Variants in STAT1 observed in about 807,000 individuals in gnomAD.
STAT1 encodes signal transducer and activator of transcription 1.
Under a neutral mutation model 111.7 loss-of-function variants are expected in STAT1, and 24 were observed. That is an observed-to-expected ratio of 0.21 (90% confidence interval 0.16 to 0.30). STAT1 has a LOEUF of 0.30. Ranked by LOEUF, STAT1 falls within the 10% of genes least tolerant of loss-of-function variation. The pLI is 1.00. For synonymous variants in STAT1, 332 were observed against 326.5 expected (o/e 1.02, Z -0.18); for missense variants, 351 against 911.9 (o/e 0.38, Z 7.92).
At position 190,999,075 on chromosome 2, in the gene STAT1, A is replaced by C. The variant is rs1388415144; in HGVS notation, c.541+551T>G. 1.3e-5 allele frequency among the ~76,000 whole-genome samples: 2 copies of C among 152,096 alleles called. No individual in the cohort carries two copies. The highest frequency in any genetic ancestry group is 2.9e-5 in the Non-Finnish European group (2 of 68,030). ...CATTCTTGAGATCTTTTCTGTTGCTACTCTCATTAAAAACACGCAACAGTA... is the reference window on the plus strand; with the variant it reads ...CATTCTTGAGATCTTTTCTGTTGCTCCTCTCATTAAAAACACGCAACAGTA... On this transcript the variant is annotated intron_variant, in intron 7 of 24. Transcript: ENST00000361099. This position sits in a 1 kb window ranked among gnomAD's most constrained non-coding sequence, Gnocchi z 4.1.
rs1207548527 is a variant in STAT1 at position 190,983,424 on chromosome 2, G to T, written c.1446+218C>A. ...ATAAAGTGGTATGGAATCACTGACT[G>T]CCCTAGCTTACCCACATGGGAGAAA... On this transcript the variant is annotated intron_variant, in intron 17 of 24. Transcript: ENST00000361099. The surrounding 1 kb of genome is among the most constrained non-coding windows in gnomAD (Gnocchi z 5.7). Among the ~76,000 whole-genome samples the T allele has an allele frequency of 6.6e-6, 1 of 152,168 alleles. No individual in the cohort carries two copies. The highest frequency in any genetic ancestry group is 2.4e-5 in the African/African-American group (1 of 41,420).
At chr2:190,972,495 C>T (rs1471156797) in intron 24 of STAT1, among the ~76,000 whole-genome samples, 1 of 152,150 alleles carries the variant, frequency 6.6e-6, no homozygotes, top group African/African-American at 2.4e-5. Flanking sequence ...GGCGTTGGCC[C>T]CTGGTACCAC....
chr2:190,986,656 A>G lies in STAT1; in HGVS notation c.1221+198T>C, dbSNP rs951507071. Among the ~76,000 whole-genome samples, 2 of 152,226 alleles carry G rather than the reference A, an allele frequency of 1.3e-5. No homozygotes were observed. Among genetic ancestry groups the G allele is most frequent in the Non-Finnish European group, 2.9e-5 (2 of 68,036 alleles). The stretch of plus-strand genomic sequence containing the variant: ...TTACTGCAAGTGATACAGCCCAGAA[A>G]ACAGAGTGAACAGTCGTGGGATAAG... On this transcript the variant is annotated intron_variant, in intron 14 of 24. Coordinates refer to ENST00000361099, the MANE Select transcript of STAT1 (RefSeq NM_007315.4). This position sits in a 1 kb window ranked among gnomAD's most constrained non-coding sequence, Gnocchi z 5.0.
At position 191,006,523 on chromosome 2, in the gene STAT1, C is replaced by A. The variant is rs1694715105; in HGVS notation, c.372+1040G>T. On this transcript the variant is annotated intron_variant, in intron 5 of 24. Transcript: ENST00000361099. This position sits in a 1 kb window ranked among gnomAD's most constrained non-coding sequence, Gnocchi z 4.6. ...TGGAGAATGGCATCCTCCACCACAC[C>A]TAAACTCCCTCCCTCTCCACTGTCA... Among the ~76,000 whole-genome samples the A allele has an allele frequency of 6.6e-6, 1 of 152,148 alleles. No homozygotes were observed. The highest frequency in any genetic ancestry group is 1.5e-5 in the Non-Finnish European group (1 of 68,022).
At chr2:190,991,377 T>C in intron 10 of STAT1, 57 bp from the exon 11 acceptor site, 1 of 1,539,556 alleles carries the variant, frequency 6.5e-7, no homozygotes, top group East Asian at 2.3e-5. Flanking sequence ...GTTGAGGCAA[T>C]CACAATGATT....
chr2:190,993,180 T>G lies in STAT1; in HGVS notation c.945-1860A>C. ...GTTGTGTAGTCTACTACTTTCTCTG[T>G]GGTCAGATCACACTTGTTCCCTACC... On this transcript the variant is annotated intron_variant, in intron 10 of 24. Coordinates refer to ENST00000361099, the MANE Select transcript of STAT1 (RefSeq NM_007315.4). This position sits in a 1 kb window ranked among gnomAD's most constrained non-coding sequence, Gnocchi z 4.1. 2.0e-6 allele frequency: 1 copy of G among 510,370 alleles called. No homozygotes were observed. The highest frequency in any genetic ancestry group is 3.7e-6 in the Non-Finnish European group (1 of 272,416). The allele number at this position is 510,370 out of a possible 1,614,324, so 31.6% of individuals were successfully genotyped here.
chr2:190,998,068 TA>T lies in STAT1; in HGVS notation c.634-62del, dbSNP rs1693984758. ...CATTTTTAATCACTGAATTTTAAAA[TA>T]TTTTTTAAAAGAAAAGCAAATATCA... is the stretch of plus-strand genomic sequence containing the variant. On this transcript the variant is annotated intron_variant, in intron 8 of 24. Coordinates refer to ENST00000361099, the MANE Select transcript of STAT1 (RefSeq NM_007315.4). The surrounding 1 kb of genome is among the most constrained non-coding windows in gnomAD (Gnocchi z 4.1). 2 of 1,587,832 alleles carry T rather than the reference TA, an allele frequency of 1.3e-6. No individual in the cohort carries two copies. Among genetic ancestry groups the T allele is most frequent in the Non-Finnish European group, 1.7e-6 (2 of 1,162,790 alleles).
chr2:190,983,834 G>A lies in STAT1; in HGVS notation c.1348-94C>T. 1 of 1,033,886 alleles carries A rather than the reference G, an allele frequency of 9.7e-7. No individual in the cohort carries two copies. The highest frequency in any genetic ancestry group is 1.5e-6 in the Non-Finnish European group (1 of 663,298). The allele number at this position is 1,033,886 out of a possible 1,614,324, so 64.0% of individuals were successfully genotyped here. ...CTCAACTAAAAGCAGGGGATTATTT[G>A]TAAATTTGTACATATTTAATACTTG... is the stretch of plus-strand genomic sequence containing the variant. On this transcript the variant is annotated intron_variant, in intron 16 of 24. Coordinates refer to ENST00000361099, the MANE Select transcript of STAT1 (RefSeq NM_007315.4). This position sits in a 1 kb window ranked among gnomAD's most constrained non-coding sequence, Gnocchi z 5.7.
At position 191,000,096 on chromosome 2, in the gene STAT1, G is replaced by T. The variant is rs995568749; in HGVS notation, c.463-392C>A. Among the ~76,000 whole-genome samples, 1 of 152,168 alleles carries T rather than the reference G, an allele frequency of 6.6e-6. No individual in the cohort carries two copies. Among genetic ancestry groups the T allele is most frequent in the African/African-American group, 2.4e-5 (1 of 41,436 alleles). On this transcript the variant is annotated intron_variant, in intron 6 of 24. Transcript: ENST00000361099. The surrounding 1 kb of genome is among the most constrained non-coding windows in gnomAD (Gnocchi z 4.8). The stretch of plus-strand genomic sequence containing the variant: ...TCCTCATTCCTTCCAAGTAAGAAAA[G>T]TGACCATACATCCCTGCTTTACCGG...
In STAT1 at chr2:190,989,242, G is replaced by C. The variant is rs900583381; in HGVS notation, c.1097+373C>G. ...GTGGCATGCCAAGTCCAGCCACTTT[G>C]AGACTTGCTGATTACAATCTCATAT... is the stretch of plus-strand genomic sequence containing the variant. On this transcript the variant is annotated intron_variant, in intron 12 of 24. Coordinates refer to ENST00000361099, the MANE Select transcript of STAT1 (RefSeq NM_007315.4). This position sits in a 1 kb window ranked among gnomAD's most constrained non-coding sequence, Gnocchi z 5.0. Among the ~76,000 whole-genome samples, 9 of 152,242 alleles carry C rather than the reference G, an allele frequency of 5.9e-5. No homozygotes were observed. Among genetic ancestry groups the C allele is most frequent in the African/African-American group, 2.2e-4 (9 of 41,460 alleles).
chr2:190,988,413 CTG>C (rs1693039469), intron 12 of STAT1, among the ~76,000 whole-genome samples: 1 of 152,214 alleles, frequency 6.6e-6, no homozygotes, highest in African/African-American at 2.4e-5. Context: ...GAGTCTCACT[CTG>C]TCACCCAGGC....
rs541089913 is a variant in STAT1, at chr2:191,009,070, G to A, written c.166C>T (p.Arg56Cys). 1.2e-6 allele frequency: 2 copies of A among 1,613,976 alleles called. No homozygotes were observed. Among genetic ancestry groups the A allele is most frequent in the Non-Finnish European group, 1.7e-6 (2 of 1,179,972 alleles). The change falls in exon 4 of 25, where the codon CGT (arginine) becomes TGT (cysteine). Residue 56 changes from arginine (R) to cysteine (C), a missense_variant. By Grantham distance (180) the Arg-to-Cys change is radical (BLOSUM62 -3). Around this residue, in one of 7 missense-constraint regions of STAT1, gnomAD observed 44 missense variants for 144.2 expected, o/e 0.31. Transcript: ENST00000361099. ...AGCTGTGACAGGAGGTCATGAAAACGGATGGTGGCAAATGAAACATCATTG... is the reference window on the plus strand; with the variant it reads ...AGCTGTGACAGGAGGTCATGAAAACAGATGGTGGCAAATGAAACATCATTG... ...AANDVSFATIRFHDLLSQLDD... is the reference protein window; with the variant it reads ...AANDVSFATICFHDLLSQLDD...
chr2:190,987,974 C>T lies in STAT1; in HGVS notation c.1098-906G>A, dbSNP rs45470607. On this transcript the variant is annotated intron_variant, in intron 12 of 24. Transcript: ENST00000361099. This position sits in a 1 kb window ranked among gnomAD's most constrained non-coding sequence, Gnocchi z 4.0. ...AACCGACAGAAAAGACACAAGGGCC[C>T]GAAGCAGCTGAGAGGAGCTGAGCTG... is the stretch of plus-strand genomic sequence containing the variant. 5.9e-5 allele frequency among the ~76,000 whole-genome samples: 9 copies of T among 152,324 alleles called. No individual in the cohort carries two copies. Among genetic ancestry groups the T allele is most frequent in the African/African-American group, 1.7e-4 (7 of 41,566 alleles).
Position 190,993,659 on chromosome 2 carries a change from T to C in STAT1, c.944+1402A>G, listed in dbSNP as rs1474808093. The stretch of plus-strand genomic sequence containing the variant: ...ACCACGGGTAACTGAAGGAAAGGAA[T>C]GAGATAGGCTGTTCTGGGAGAGTAA... On this transcript the variant is annotated intron_variant, in intron 10 of 24. Coordinates refer to ENST00000361099, the MANE Select transcript of STAT1 (RefSeq NM_007315.4). The surrounding 1 kb of genome is among the most constrained non-coding windows in gnomAD (Gnocchi z 4.1). The C allele has an allele frequency of 9.8e-6, 5 of 510,796 alleles. No homozygotes were observed. The highest frequency in any genetic ancestry group is 1.9e-5 in the Non-Finnish European group (5 of 261,994). The allele number at this position is 510,796 out of a possible 1,614,324, so 31.6% of individuals were successfully genotyped here.
rs2125067786 is a variant in STAT1, at chr2:190,997,032, G to A, written c.785+824C>T. Among the ~76,000 whole-genome samples, 1 of 152,272 alleles carries A rather than the reference G, an allele frequency of 6.6e-6. No homozygotes were observed. Among genetic ancestry groups the A allele is most frequent in the African/African-American group, 2.4e-5 (1 of 41,554 alleles). On this transcript the variant is annotated intron_variant, in intron 9 of 24. Transcript: ENST00000361099. The surrounding 1 kb of genome is among the most constrained non-coding windows in gnomAD (Gnocchi z 7.3). ...GCGTACATCCCCCATTCCCAGCATG[G>A]TGCTGAGAACCTGCACCATCAGGCT...
At position 190,989,665 on chromosome 2, in the gene STAT1, C is replaced by T; in HGVS notation, c.1047G>A (p.Val349=). 1 of 1,597,350 alleles carries T rather than the reference C, an allele frequency of 6.3e-7. No homozygotes were observed. Among genetic ancestry groups the T allele is most frequent in the South Asian group, 1.1e-5 (1 of 88,908 alleles). Residue 349 remains valine (V), a synonymous_variant, in exon 12 of 25, where the codon GTG becomes GTA. Transcript: ENST00000361099. The surrounding 1 kb of genome is among the most constrained non-coding windows in gnomAD (Gnocchi z 5.0). Reference sequence around the variant, plus strand: ...AATTATAATTCAGCTCTTGCAATTTCACCAACAGTCTGGAAAGAAAAATAA... The same window carrying T: ...AATTATAATTCAGCTCTTGCAATTTTACCAACAGTCTGGAAAGAAAAATAA... ...VQFTVKLRLL[V]KLQELNYNLK...
At position 190,986,569 on chromosome 2, in the gene STAT1, G is replaced by A. The variant is rs184191853; in HGVS notation, c.1221+285C>T. Among the ~76,000 whole-genome samples the A allele has an allele frequency of 2.4e-3, 370 of 152,360 alleles. 10 individuals are homozygous for A. Among genetic ancestry groups the A allele is most frequent in the Admixed American group, 1.6e-3 (25 of 15,312 alleles). The stretch of plus-strand genomic sequence containing the variant: ...AAACTGCAAGCGTAGGTGAGTGACC[G>A]TGGGGATCATGCAGGCAGCAAGTGC... On this transcript the variant is annotated intron_variant, in intron 14 of 24. Coordinates refer to ENST00000361099, the MANE Select transcript of STAT1 (RefSeq NM_007315.4). This position sits in a 1 kb window ranked among gnomAD's most constrained non-coding sequence, Gnocchi z 5.0.
chr2:190,989,995 A>C lies in STAT1; in HGVS notation c.1038-321T>G, dbSNP rs986400774. On this transcript the variant is annotated intron_variant, in intron 11 of 24. Coordinates refer to ENST00000361099, the MANE Select transcript of STAT1 (RefSeq NM_007315.4). This position sits in a 1 kb window ranked among gnomAD's most constrained non-coding sequence, Gnocchi z 5.0. ...CCTTGCCAATATTCAGTTTCATCAC[A>C]ATTTCGACCTTTGGCCAATTTATAT... Among the ~76,000 whole-genome samples the C allele has an allele frequency of 6.6e-6, 1 of 152,230 alleles. No individual in the cohort carries two copies. The highest frequency in any genetic ancestry group is 1.5e-5 in the Non-Finnish European group (1 of 68,046).
chr2:191,000,012 T>C lies in STAT1; in HGVS notation c.463-308A>G, dbSNP rs748904273. On this transcript the variant is annotated intron_variant, in intron 6 of 24. Coordinates refer to ENST00000361099, the MANE Select transcript of STAT1 (RefSeq NM_007315.4). The surrounding 1 kb of genome is among the most constrained non-coding windows in gnomAD (Gnocchi z 4.8). The stretch of plus-strand genomic sequence containing the variant: ...CATTTTTGAGACTACCTCTGAGATA[T>C]GATTTAAGAACTCCACTGTGAAGCC... Among the ~76,000 whole-genome samples, 16 of 152,218 alleles carry C rather than the reference T, an allele frequency of 1.1e-4. No homozygotes were observed. The highest frequency in any genetic ancestry group is 1.8e-4 in the Non-Finnish European group (12 of 68,046).
Sources: gnomAD v4.1 joint callset for allele counts (sites outside exome capture counted in the v4.1 genomes callset) on GRCh38, gnomAD v4.1.1 for gene constraint, gnomAD v4.1.1 regional missense constraint, Gnocchi (gnomAD v3.1) non-coding constraint, MANE v1.5 for transcripts, NCBI Gene and HGNC (gene_info 2026-07-23, HGNC 2026-07-21) for gene names.